Variants in RGS7BP observed in about 807,000 individuals in gnomAD.
The protein encoded by RGS7BP is regulator of G protein signaling 7-binding protein.
Under a neutral mutation model 31.3 loss-of-function variants are expected in RGS7BP, and 9 were observed. The ratio of observed to expected loss-of-function variants is 0.29; its 90% CI spans 0.17 to 0.50. The LOEUF (loss-of-function observed/expected upper bound fraction) is 0.50, where lower values mean the gene tolerates loss of function less well. Among genes scored for constraint, RGS7BP ranks in the 20% least tolerant of loss-of-function variants. The pLI, the probability that RGS7BP is intolerant of heterozygous loss-of-function variation, is 0.98. For missense variants in RGS7BP, 274 were observed against 322.0 expected (o/e 0.85, Z 1.14); for synonymous variants, 115 against 120.1 (o/e 0.96, Z 0.28).
chr5:64,550,007 A>G (rs1436795800), intron 2 of RGS7BP, among the ~76,000 whole-genome samples: 1 of 152,202 alleles, frequency 6.6e-6, no homozygotes, highest in Non-Finnish European at 1.5e-5. Context: ...TTGTTACTTT[A>G]TAACAAGGAT....
chr5:64,560,696 A>G (rs1258090314), intron 2 of RGS7BP, among the ~76,000 whole-genome samples: 1 of 152,098 alleles, frequency 6.6e-6, no homozygotes. Context: ...TGTAAATCCA[A>G]CTGAGCCATT....
rs185410697 is a variant in RGS7BP, at chr5:64,516,137, A to G, written c.332+8260A>G. Among the ~76,000 whole-genome samples the G allele has an allele frequency of 3.3e-5, 5 of 152,318 alleles. No homozygotes were observed. In the East Asian group the frequency reaches 9.6e-4, roughly 29 times the overall value. On this transcript the variant is annotated intron_variant, in intron 2 of 5. Transcript: ENST00000334025. Reference sequence around the variant, plus strand: ...TGTTTTCAACCTAATAGAAGACTCTAGATACAATCAGGTTAACAAAAGTCA... The same window carrying G: ...TGTTTTCAACCTAATAGAAGACTCTGGATACAATCAGGTTAACAAAAGTCA...
At chr5:64,585,528 A>T (rs1742723828) in intron 3 of RGS7BP, among the ~76,000 whole-genome samples, 2 of 151,980 alleles carry the variant, frequency 1.3e-5, no homozygotes, top group Admixed American at 6.6e-5. Context: ...GGGTCTCTAG[A>T]GTGGGTGTGA....
At chr5:64,592,346 A>G (rs1742941082) in intron 3 of RGS7BP, among the ~76,000 whole-genome samples, 1 of 152,178 alleles carries the variant, frequency 6.6e-6, no homozygotes, top group Non-Finnish European at 1.5e-5. Flanking sequence ...AAAGTCACCA[A>G]AAATAGGAAA....
At chr5:64,597,933 A>G (rs1364219444) in intron 4 of RGS7BP, among the ~76,000 whole-genome samples, 1 of 152,230 alleles carries the variant, frequency 6.6e-6, no homozygotes, top group East Asian at 1.9e-4. Context: ...GTGAATGTAC[A>G]TAGCCACTAT....
intron 2 of RGS7BP, among the ~76,000 whole-genome samples, chr5:64,530,935 G>A (rs923243734): frequency 6.6e-6 from 1 of 152,148 alleles, no homozygotes; most frequent in African/African-American, 2.4e-5. Flanking sequence ...AGTCTACATA[G>A]CTGAGACAGG....
At chr5:64,516,081 G>C (rs1014483978) in intron 2 of RGS7BP, among the ~76,000 whole-genome samples, 15 of 152,084 alleles carry the variant, frequency 9.9e-5, no homozygotes, top group African/African-American at 3.6e-4. Flanking sequence ...CAGGATTATA[G>C]GTGTGACTCA....
rs181941850 is a variant in RGS7BP at position 64,575,699 on chromosome 5, C to G, written c.333-75C>G. 411 of 1,514,164 alleles carry G rather than the reference C, an allele frequency of 2.7e-4. 12 individuals carry two copies. In the Admixed American group the frequency reaches 9.0e-3, roughly 33 times the overall value. 93.8% of individuals were successfully genotyped at this position (1,514,164 alleles called of 1,614,324 possible). ...GAATCTTTATTGAGCATTTTTCCCT[C>G]TCGGAGCTGAGACAAATGGCTGATG... On this transcript the variant is annotated intron_variant, in intron 2 of 5. Transcript: ENST00000334025.
At chr5:64,600,558 G>A (rs1743191517) in intron 5 of RGS7BP, among the ~76,000 whole-genome samples, 1 of 152,124 alleles carries the variant, frequency 6.6e-6, no homozygotes, top group African/African-American at 2.4e-5. Context: ...AAACATGAGT[G>A]AAAAGGGAAT....
intron 2 of RGS7BP, among the ~76,000 whole-genome samples, chr5:64,529,549 G>T (rs915077563): frequency 5.9e-5 from 9 of 152,118 alleles, no homozygotes; most frequent in African/African-American, 1.9e-4. Flanking sequence ...CATTGGAATC[G>T]CCTGGGGAGC....
At chr5:64,507,600 C>G (rs1748729752) in intron 1 of RGS7BP, 111 bp from the exon 2 acceptor site, 1 of 924,512 alleles carries the variant, frequency 1.1e-6, no homozygotes, top group East Asian at 2.6e-5. Flanking sequence ...AGCTGGAGAT[C>G]TGGGGAGCTG....
intron 5 of RGS7BP, among the ~76,000 whole-genome samples, chr5:64,600,267 C>T (rs1743184794): frequency 6.6e-6 from 1 of 152,114 alleles, no homozygotes; most frequent in Non-Finnish European, 1.5e-5. Flanking sequence ...TGCCCAGGGT[C>T]CCCCAGTCTG....
chr5:64,575,282 A>C (rs576107017), intron 2 of RGS7BP, among the ~76,000 whole-genome samples: 38 of 152,260 alleles, frequency 2.5e-4, no homozygotes, highest in African/African-American at 8.4e-4. Flanking sequence ...TAAAGGAAGA[A>C]TCTTTAGACT....
At chr5:64,580,211 C>T (rs893520006) in intron 3 of RGS7BP, among the ~76,000 whole-genome samples, 1 of 152,084 alleles carries the variant, frequency 6.6e-6, no homozygotes, top group Non-Finnish European at 1.5e-5. Context: ...TGTCTTAGAA[C>T]CCTTGAAGCT....
chr5:64,527,606 TAAAAAAAAAAAAAAAAAAAAA>T (rs59081277), intron 2 of RGS7BP, among the ~76,000 whole-genome samples: 5 of 86,464 alleles, frequency 5.8e-5, no homozygotes, highest in African/African-American at 8.5e-5. Flanking sequence ...CTTATAACAG[TAAAAAAAAAAAAAAAAAAAAA>T]AAAAAAAAAA....
At position 64,517,008 on chromosome 5, in the gene RGS7BP, C is replaced by A. The variant is rs1292037494; in HGVS notation, c.332+9131C>A. 2.7e-5 allele frequency among the ~76,000 whole-genome samples: 4 copies of A among 145,544 alleles called. No individual in the cohort carries two copies. In the East Asian group the frequency reaches 7.9e-4, roughly 29 times the overall value. ...ATTGCTAAAGACACCAGGGTTTATT[C>A]TCGCCCAGAAAAAAAAAAAAAAAAA... On this transcript the variant is annotated intron_variant, in intron 2 of 5. Coordinates refer to ENST00000334025, the MANE Select transcript of RGS7BP (RefSeq NM_001029875.3).
intron 2 of RGS7BP, among the ~76,000 whole-genome samples, chr5:64,510,370 G>A (rs73109029): frequency 0.023 from 3,543 of 152,202 alleles, 140 homozygotes; most frequent in African/African-American, 0.081. Flanking sequence ...AAGGTGTTAC[G>A]TATAAAGGAT....
At chr5:64,578,588 G>A (rs764885562) in intron 3 of RGS7BP, among the ~76,000 whole-genome samples, 8 of 152,104 alleles carry the variant, frequency 5.3e-5, no homozygotes, top group South Asian at 4.2e-4. Context: ...CCCACCCTCC[G>A]TATAAATAAA....
intron 2 of RGS7BP, among the ~76,000 whole-genome samples, chr5:64,535,905 T>C (rs918803786): frequency 5.3e-5 from 8 of 152,154 alleles, no homozygotes; most frequent in African/African-American, 1.9e-4. Context: ...GGAATCAAAA[T>C]GGGTAACACA....
Sources: allele counts gnomAD v4.1 joint callset (sites outside exome capture counted in the v4.1 genomes callset), GRCh38; gene constraint gnomAD v4.1.1; transcripts MANE v1.5; gene names NCBI Gene and HGNC (gene_info 2026-07-23, HGNC 2026-07-21).